The following ARB2A variants were observed in gnomAD, a reference collection of about 807,000 sequenced individuals.
ARB2A encodes ARB2 cotranscriptional regulator A.
the ARB2A span, among the ~76,000 whole-genome samples, chr5:93,938,193 T>G: frequency 6.6e-6 from 1 of 152,222 alleles, no homozygotes; most frequent in Non-Finnish European, 1.5e-5. Context: ...TACAACAAAA[T>G]GCTTAAGCAA....
At chr5:93,700,030 T>C in the ARB2A span, among the ~76,000 whole-genome samples, 1 of 152,078 alleles carries the variant, frequency 6.6e-6, no homozygotes, top group Non-Finnish European at 1.5e-5. Flanking sequence ...GTAACACAAA[T>C]TCCAGGTGAA....
At chr5:94,093,210 C>G in the ARB2A span, among the ~76,000 whole-genome samples, 3 of 151,942 alleles carry the variant, frequency 2.0e-5, no homozygotes, top group African/African-American at 7.3e-5. Flanking sequence ...ATATAGGAAA[C>G]CGTGCTCTAC....
chr5:94,064,481 T>C, the ARB2A span, among the ~76,000 whole-genome samples: 3 of 152,170 alleles, frequency 2.0e-5, no homozygotes, highest in Non-Finnish European at 4.4e-5. Flanking sequence ...GGCTTCCAGA[T>C]ACAAGAAGCA....
chr5:93,788,186 T>C, the ARB2A span, among the ~76,000 whole-genome samples: 7 of 152,150 alleles, frequency 4.6e-5, no homozygotes, highest in African/African-American at 1.4e-4. Context: ...ATTAACATTG[T>C]TGATGGGGCT....
At chr5:93,968,831 G>C in the ARB2A span, among the ~76,000 whole-genome samples, 6 of 151,950 alleles carry the variant, frequency 3.9e-5, no homozygotes, top group Non-Finnish European at 8.8e-5. Context: ...ACTTACAGAG[G>C]AACAAGGATG....
At chr5:93,834,536 A>G in the ARB2A span, among the ~76,000 whole-genome samples, 3 of 152,186 alleles carry the variant, frequency 2.0e-5, no homozygotes, top group Non-Finnish European at 4.4e-5. Flanking sequence ...GCTTTTTACT[A>G]TATACAGTGT....
chr5:93,792,247 C>T, the ARB2A span, among the ~76,000 whole-genome samples: 2 of 152,046 alleles, frequency 1.3e-5, no homozygotes, highest in Admixed American at 1.3e-4. Flanking sequence ...TTATAAAACA[C>T]AGATTTGAAA....
chr5:93,672,332 A>G, the ARB2A span, among the ~76,000 whole-genome samples: 1 of 147,600 alleles, frequency 6.8e-6, no homozygotes, highest in Non-Finnish European at 1.5e-5. Context: ...TTTTTTTTTT[A>G]GATGGAGTCT....
the ARB2A span, among the ~76,000 whole-genome samples, chr5:93,843,496 G>A: frequency 5.8e-3 from 821 of 140,560 alleles, 7 homozygotes; most frequent in African/African-American, 0.02. Context: ...ATCACAACTC[G>A]CTGTGAAGCC....
the ARB2A span, among the ~76,000 whole-genome samples, chr5:93,658,259 G>C: frequency 6.6e-6 from 1 of 152,182 alleles, no homozygotes; most frequent in Admixed American, 6.6e-5. Flanking sequence ...TAATATTTAA[G>C]TGATAAGTTT....
chr5:93,736,183 G>C, the ARB2A span: 7 of 152,070 alleles, frequency 4.6e-5, no homozygotes, highest in African/African-American at 1.7e-4. Flanking sequence ...TATTTCCAAT[G>C]TGATTCTATA....
At chr5:93,932,657 T>C in the ARB2A span, among the ~76,000 whole-genome samples, 30 of 152,336 alleles carry the variant, frequency 2.0e-4, no homozygotes, top group Non-Finnish European at 4.4e-4. Flanking sequence ...CCCACTTACA[T>C]AATTGGAACT....
chr5:93,897,451 A>C, the ARB2A span, among the ~76,000 whole-genome samples: 1 of 151,868 alleles, frequency 6.6e-6, no homozygotes, highest in Non-Finnish European at 1.5e-5. Flanking sequence ...TGAGTTTCTT[A>C]CTTCTACCTC....
At chr5:93,948,063 T>C in the ARB2A span, among the ~76,000 whole-genome samples, 1 of 152,178 alleles carries the variant, frequency 6.6e-6, no homozygotes, top group Non-Finnish European at 1.5e-5. Context: ...GTATTTCTAG[T>C]TCTAGATCCC....
the ARB2A span, among the ~76,000 whole-genome samples, chr5:93,836,584 AATTTT>A: frequency 1.3e-5 from 2 of 152,224 alleles, no homozygotes; most frequent in Non-Finnish European, 2.9e-5. Context: ...CATGAGATGT[AATTTT>A]ATTTTATCCA....
the ARB2A span, among the ~76,000 whole-genome samples, chr5:93,631,784 G>A: frequency 6.6e-6 from 1 of 151,484 alleles, no homozygotes; most frequent in South Asian, 2.1e-4. Context: ...AAGACAGAGA[G>A]GGGGGAGGGG....
chr5:93,958,712 T>G, the ARB2A span: 1 of 1,164,926 alleles, frequency 8.6e-7, no homozygotes, highest in Non-Finnish European at 1.2e-6. Context: ...TGAAGAAACA[T>G]AAAAACATAT....
At chr5:94,084,313 T>C in the ARB2A span, among the ~76,000 whole-genome samples, 3 of 137,364 alleles carry the variant, frequency 2.2e-5, no homozygotes, top group Non-Finnish European at 3.2e-5. Flanking sequence ...ATAGCAAAAA[T>C]TAAAAACTTA....
chr5:93,695,235 C>G, the ARB2A span, among the ~76,000 whole-genome samples: 1 of 152,168 alleles, frequency 6.6e-6, no homozygotes, highest in Admixed American at 6.5e-5. Flanking sequence ...TAGAAACTAT[C>G]ATCAGAGTGA....
Sources: gnomAD v4.1 joint callset for allele counts (sites outside exome capture counted in the v4.1 genomes callset) on GRCh38, gnomAD v4.1.1 for gene constraint, MANE v1.5 for transcripts, NCBI Gene and HGNC (gene_info 2026-07-23, HGNC 2026-07-21) for gene names.